The following DAPK1 variants were observed in gnomAD, a reference collection of about 807,000 sequenced individuals.
DAPK1 encodes death-associated protein kinase 1.
A neutral mutation model predicts 144.9 loss-of-function variants in DAPK1; 56 were observed. The observed-to-expected ratio is 0.39, with a 90% CI of 0.31 to 0.48. The LOEUF (loss-of-function observed/expected upper bound fraction) is 0.48. Ranked by LOEUF, DAPK1 falls within the 20% of genes least tolerant of loss-of-function variation. DAPK1 has a pLI of 0.95. For missense variants in DAPK1, 1,454 were observed against 1,875.4 expected, an observed-to-expected ratio of 0.78 and a Z score of 4.15; for synonymous variants, 690 against 749.0, an observed-to-expected ratio of 0.92 and a Z score of 1.29.
At chr9:87,659,591 C>T (rs1223904897) in intron 18 of DAPK1, among the ~76,000 whole-genome samples, 1 of 152,246 alleles carries the variant, frequency 6.6e-6, no homozygotes. Context: ...GCGGCCCCCT[C>T]TGTAGGGTCC....
intron 2 of DAPK1, among the ~76,000 whole-genome samples, chr9:87,585,240 A>G (rs1038959215): frequency 1.3e-5 from 2 of 152,150 alleles, no homozygotes; most frequent in African/African-American, 2.4e-5. Flanking sequence ...TTCTGGGGTC[A>G]TATCCAAAAA....
At chr9:87,674,363 A>T (rs987140462) in intron 19 of DAPK1, among the ~76,000 whole-genome samples, 1 of 151,970 alleles carries the variant, frequency 6.6e-6, no homozygotes, top group African/African-American at 2.4e-5. Flanking sequence ...AAATTAAAAT[A>T]AATTAGCCAG....
At chr9:87,643,150 G>T (rs1385860529) in intron 10 of DAPK1, among the ~76,000 whole-genome samples, 1 of 152,136 alleles carries the variant, frequency 6.6e-6, no homozygotes, top group Non-Finnish European at 1.5e-5. Flanking sequence ...ATATCCTGTT[G>T]TCTTGATTTA....
At chr9:87,575,719 T>C (rs1025116888) in intron 2 of DAPK1, among the ~76,000 whole-genome samples, 1 of 152,210 alleles carries the variant, frequency 6.6e-6, no homozygotes, top group Non-Finnish European at 1.5e-5. Flanking sequence ...CTGAACGTTA[T>C]CTCTCCCTCC....
At chr9:87,634,876 G>A (rs1194369673) in intron 3 of DAPK1, among the ~76,000 whole-genome samples, 1 of 152,120 alleles carries the variant, frequency 6.6e-6, no homozygotes, top group Admixed American at 6.5e-5. Flanking sequence ...CAAAGAACCT[G>A]CTGCACACCC....
intron 3 of DAPK1, among the ~76,000 whole-genome samples, chr9:87,623,544 C>T (rs1442193040): frequency 1.3e-5 from 2 of 152,136 alleles, no homozygotes; most frequent in African/African-American, 4.8e-5. Context: ...AGTCCGTCCC[C>T]ATCATCAAGC....
intron 21 of DAPK1, among the ~76,000 whole-genome samples, chr9:87,690,986 G>A (rs572072417): frequency 4.6e-5 from 7 of 151,876 alleles, no homozygotes; most frequent in Admixed American, 2.6e-4. Context: ...TGATGTTGTT[G>A]TTGTTGTTTT....
At chr9:87,629,364 C>T (rs1254973067) in intron 3 of DAPK1, among the ~76,000 whole-genome samples, 1 of 152,174 alleles carries the variant, frequency 6.6e-6, no homozygotes, top group Non-Finnish European at 1.5e-5. Context: ...GAAGGGATTC[C>T]CCTCCAAGCT....
At chr9:87,688,575 C>A (rs982938889) in intron 21 of DAPK1, among the ~76,000 whole-genome samples, 4 of 152,166 alleles carry the variant, frequency 2.6e-5, no homozygotes, top group African/African-American at 9.7e-5. Flanking sequence ...CTCTTTTCTT[C>A]ACGCCCTCAC....
chr9:87,681,471 T>C lies in DAPK1; in HGVS notation c.2069T>C (p.Leu690Pro). The C allele has an allele frequency of 6.2e-7, 1 of 1,613,676 alleles. No homozygotes were observed. Among genetic ancestry groups the C allele is most frequent in the Non-Finnish European group, 8.5e-7 (1 of 1,179,652 alleles). The change falls in exon 20 of 26, where the codon CTC becomes CCC. Residue 690 changes from leucine (L) to proline (P), a missense_variant. Leu to Pro is a moderately conservative substitution (Grantham distance 98). Transcript: ENST00000408954. ...CAGAACCTGCAGCCAAGAATTAAGC[T>C]CAAGCTGTTTGGCCACTCGGGATCC... ...PTQNLQPRIK[L>P]KLFGHSGSGK...
chr9:87,606,595 T>TCCTCCCTC (rs1267406114), intron 3 of DAPK1, among the ~76,000 whole-genome samples: 3 of 77,090 alleles, frequency 3.9e-5, no homozygotes, highest in Admixed American at 1.4e-4. Context: ...CTTCCTTCCT[T>TCCTCCCTC]CCTCCCTCCC....
intron 2 of DAPK1, among the ~76,000 whole-genome samples, chr9:87,523,801 C>T (rs1043579259): frequency 2.0e-5 from 3 of 152,178 alleles, no homozygotes; most frequent in African/African-American, 7.2e-5. Context: ...TGGATTCAAC[C>T]AGGGAGATTT....
At chr9:87,649,826 G>A (rs958553080) in intron 15 of DAPK1, 95 bp from the exon 16 acceptor site, 40 of 1,245,868 alleles carry the variant, frequency 3.2e-5, no homozygotes, top group African/African-American at 1.8e-4. Flanking sequence ...CCTTGGTTGC[G>A]TTTCTGCCAA....
At chr9:87,567,643 G>T (rs1198879247) in intron 2 of DAPK1, among the ~76,000 whole-genome samples, 1 of 152,092 alleles carries the variant, frequency 6.6e-6, no homozygotes, top group Non-Finnish European at 1.5e-5. Context: ...CCACTGGCAC[G>T]CTTGCCATGG....
intron 2 of DAPK1, among the ~76,000 whole-genome samples, chr9:87,518,102 G>GT (rs1405931107): frequency 0.013 from 492 of 38,282 alleles, 7 homozygotes; most frequent in African/African-American, 0.021. Flanking sequence ...CGTTTATGTT[G>GT]TTGTTTTTTT....
intron 2 of DAPK1, among the ~76,000 whole-genome samples, chr9:87,576,849 C>T (rs1156663089): frequency 4.6e-5 from 7 of 152,112 alleles, no homozygotes; most frequent in African/African-American, 9.7e-5. Context: ...CGTGAGCCAC[C>T]GCGCCTGGCC....
At chr9:87,498,411 C>G (rs1019370828) in intron 1 of DAPK1, 3 of 325,510 alleles carry the variant, frequency 9.2e-6, no homozygotes, top group African/African-American at 6.4e-5. Context: ...CCCCGGGCGG[C>G]CGCACGCCGG....
chr9:87,514,921 T>C (rs1262099230), intron 2 of DAPK1, among the ~76,000 whole-genome samples: 1 of 152,240 alleles, frequency 6.6e-6, no homozygotes, highest in Non-Finnish European at 1.5e-5. Flanking sequence ...TGCTGGTTTC[T>C]CTGTTTTCTC....
intron 2 of DAPK1, among the ~76,000 whole-genome samples, chr9:87,515,200 G>A (rs574131916): frequency 1.3e-5 from 2 of 152,272 alleles, no homozygotes; most frequent in South Asian, 2.1e-4. Flanking sequence ...AATATGGTAA[G>A]CTTCGTGGGC....
Sources: allele counts gnomAD v4.1 joint callset (sites outside exome capture counted in the v4.1 genomes callset), GRCh38; gene constraint gnomAD v4.1.1; transcripts MANE v1.5; gene names NCBI Gene and HGNC (gene_info 2026-07-23, HGNC 2026-07-21).